Variants in LCOR observed in about 807,000 individuals in gnomAD.
The protein encoded by LCOR is ligand dependent nuclear receptor corepressor, also known as ligand-dependent corepressor.
In LCOR, 14 loss-of-function variants were observed where a neutral mutation model predicts 64.4. That is an observed-to-expected ratio of 0.22 (90% CI 0.14 to 0.34). The LOEUF is 0.34. Ranked by LOEUF, LCOR falls within the 10% of genes least tolerant of loss-of-function variation. The pLI is 1.00. For synonymous variants in LCOR, 643 were observed against 642.5 expected, an observed-to-expected ratio of 1.00 and a Z score of -0.01; for missense variants, 1,686 against 1,765.3, an observed-to-expected ratio of 0.96 and a Z score of 0.80.
At chr10:96,956,181 A>G (rs1847770228) in intron 7 of LCOR, 2 of 1,226,976 alleles carry the variant, frequency 1.6e-6, no homozygotes, top group Admixed American at 4.0e-5. Flanking sequence ...CTCACAGAGA[A>G]CAGATACATG....
intron 2 of LCOR, among the ~76,000 whole-genome samples, chr10:96,845,093 A>G (rs1382478784): frequency 6.6e-6 from 1 of 152,150 alleles, no homozygotes; most frequent in Non-Finnish European, 1.5e-5. Flanking sequence ...TGAGAAGGAG[A>G]AGAAGAAATT....
At chr10:96,885,400 G>A (rs1335665747) in intron 2 of LCOR, among the ~76,000 whole-genome samples, 4 of 151,740 alleles carry the variant, frequency 2.6e-5, no homozygotes, top group African/African-American at 9.7e-5. Flanking sequence ...TCGTTTTTTT[G>A]AGACAGGCTT....
rs1309602738 is a variant in LCOR, at chr10:96,984,979, C to T, written c.4519C>T (p.Pro1507Ser). Reference protein sequence around the residue: ...QKGAGESSSRPQKATNRKQSS... With the variant: ...QKGAGESSSRSQKATNRKQSS... ...GGGGGCCGGTGAATCCTCTTCAAGG[C>T]CTCAGAAAGCCACGAATAGGAAGCA... is the stretch of plus-strand genomic sequence containing the variant. The change falls in exon 8 of 8, where the codon CCT becomes TCT. Residue 1507 changes from proline to serine, a missense_variant. Pro to Ser is a moderately conservative substitution (Grantham distance 74). Coordinates refer to ENST00000421806, the MANE Select transcript of LCOR (RefSeq NM_001346516.2). 5 of 1,614,178 alleles carry T rather than the reference C, an allele frequency of 3.1e-6. No homozygotes were observed. The highest frequency in any genetic ancestry group is 4.2e-6 in the Non-Finnish European group (5 of 1,180,030).
chr10:96,911,655 A>G (rs1257551605), intron 4 of LCOR, among the ~76,000 whole-genome samples: 2 of 152,208 alleles, frequency 1.3e-5, no homozygotes, highest in Non-Finnish European at 2.9e-5. Flanking sequence ...AGTTGGAAAG[A>G]GGGAAAGTGT....
chr10:96,974,790 TAAA>T (rs992196863), intron 7 of LCOR, among the ~76,000 whole-genome samples: 1 of 152,142 alleles, frequency 6.6e-6, no homozygotes, highest in Non-Finnish European at 1.5e-5. Context: ...TTTTTTAACA[TAAA>T]AAAATAGTAA....
chr10:96,941,401 C>T, intron 4 of LCOR, among the ~76,000 whole-genome samples: 1 of 146,634 alleles, frequency 6.8e-6, no homozygotes, highest in Middle Eastern at 3.7e-3. Flanking sequence ...GGGCGGCTGG[C>T]CGGGCAGGGG....
At chr10:96,974,740 AGAC>A (rs1848024672) in intron 7 of LCOR, among the ~76,000 whole-genome samples, 1 of 152,262 alleles carries the variant, frequency 6.6e-6, no homozygotes, top group African/African-American at 2.4e-5. Flanking sequence ...GCAAAAGTAA[AGAC>A]AAGCTGTTTA....
intron 1 of LCOR, 47 bp downstream of exon 1, chr10:96,832,446 C>G: frequency 1.3e-6 from 1 of 782,058 alleles, no homozygotes; most frequent in Non-Finnish European, 1.6e-6. Flanking sequence ...CGCCCCGCCG[C>G]CGGTCGCCCC....
chr10:96,957,310 A>C, intron 7 of LCOR: 2 of 985,124 alleles, frequency 2.0e-6, no homozygotes, highest in Non-Finnish European at 2.4e-6. Flanking sequence ...GACCTTTGAG[A>C]TCATGTTTGT....
At chr10:96,877,423 C>T (rs1242256154) in intron 2 of LCOR, among the ~76,000 whole-genome samples, 3 of 151,802 alleles carry the variant, frequency 2.0e-5, no homozygotes, top group Non-Finnish European at 4.4e-5. Context: ...ACTTGGGAGG[C>T]TGAGGTGGGA....
At position 96,980,884 on chromosome 10, in the gene LCOR, C is replaced by T. The variant is rs1848078143; in HGVS notation, c.424C>T (p.Gln142Ter). Reference sequence around the variant, plus strand: ...TATGGTCAAACTGTGTACTCATCATCAAAAGCAATTCATTCGTGTTCTGAA... The same window carrying T: ...TATGGTCAAACTGTGTACTCATCATTAAAAGCAATTCATTCGTGTTCTGAA... ...KFMVKLCTHH[Q>*]KQFIRVLNDL... The change falls in exon 8 of 8, where the codon CAA becomes TAA. Residue 142 changes from glutamine to a stop codon, truncating the protein, a stop_gained. Transcript: ENST00000421806. LOFTEE classifies it low-confidence loss of function (END_TRUNC). 1 of 702,904 alleles carries T rather than the reference C, an allele frequency of 1.4e-6. No individual in the cohort carries two copies. Among genetic ancestry groups the T allele is most frequent in the African/African-American group, 1.7e-5 (1 of 57,254 alleles). 43.5% of individuals were successfully genotyped at this position (702,904 alleles called of 1,614,324 possible). A position where few individuals can be genotyped will look rare whatever the true frequency, so the allele number is the denominator to read the frequency against.
chr10:96,867,033 C>A lies in LCOR; in HGVS notation c.-330+33554C>A, dbSNP rs1313523952. Among the ~76,000 whole-genome samples, 5 of 152,098 alleles carry A rather than the reference C, an allele frequency of 3.3e-5. No homozygotes were observed. In the East Asian group the frequency reaches 7.7e-4, roughly 23 times the overall value. On this transcript the variant is annotated intron_variant, in intron 2 of 7. Coordinates refer to ENST00000421806, the MANE Select transcript of LCOR (RefSeq NM_001346516.2). The stretch of plus-strand genomic sequence containing the variant: ...GATGGAGTTTCACTCATTGCCCAGG[C>A]TGGGGTGCAGTGGCGCAATCTCGGC...
Position 96,870,184 on chromosome 10 carries a change from G to A in LCOR, c.-330+36705G>A, listed in dbSNP as rs181501347. On this transcript the variant is annotated intron_variant, in intron 2 of 7. Transcript: ENST00000421806. ...ACTACAGGCGCCCGCCACCACGCCC[G>A]GCTAATTTTTTGTTTTTTGTAGAGA... is the stretch of plus-strand genomic sequence containing the variant. Among the ~76,000 whole-genome samples the A allele has an allele frequency of 8.5e-4, 129 of 151,576 alleles. No individual in the cohort carries two copies. The Middle Eastern group carries it at 0.01, about 12-fold the overall frequency.
At chr10:96,970,853 A>C (rs985037778) in intron 7 of LCOR, among the ~76,000 whole-genome samples, 2 of 151,924 alleles carry the variant, frequency 1.3e-5, no homozygotes, top group African/African-American at 4.8e-5. Context: ...TCCTGAGCTC[A>C]GGCAATCCTC....
chr10:96,963,227 G>A (rs559086308), intron 7 of LCOR: 2 of 150,856 alleles, frequency 1.3e-5, no homozygotes, highest in East Asian at 3.9e-4. Flanking sequence ...TTTAAAAAAA[G>A]CGCATAAATG....
chr10:96,984,021 C>T lies in LCOR; in HGVS notation c.3561C>T (p.Phe1187=), dbSNP rs1253633688. The T allele has an allele frequency of 6.2e-7, 1 of 1,613,992 alleles. No homozygotes were observed. Among genetic ancestry groups the T allele is most frequent in the Non-Finnish European group, 8.5e-7 (1 of 1,180,016 alleles). The change falls in exon 8 of 8, where the codon TTC becomes TTT. Residue 1187 remains phenylalanine, a synonymous_variant. Coordinates refer to ENST00000421806, the MANE Select transcript of LCOR (RefSeq NM_001346516.2). The part of the protein sequence containing the change: ...NFKLSNVCKW[F]LETTETRSLV... ...AATTATCTAATGTTTGTAAATGGTT[C>T]TTAGAGACAACTGAAACCCGGTCTC...
chr10:96,862,470 T>A (rs1845903536), intron 2 of LCOR, among the ~76,000 whole-genome samples: 1 of 152,160 alleles, frequency 6.6e-6, no homozygotes, highest in South Asian at 2.1e-4. Context: ...TTCACCATAT[T>A]ACCCAGGCTG....
At position 96,983,170 on chromosome 10, in the gene LCOR, G is replaced by C. The variant is rs568325585; in HGVS notation, c.2710G>C (p.Gly904Arg). Residue 904 changes from glycine to arginine, a missense_variant, in exon 8 of 8, where the codon GGG (glycine) becomes CGG (arginine). By Grantham distance (125) the Gly-to-Arg change is moderately radical. This residue lies in a region of LCOR where 1,293 missense variants were observed against 1,410.4 expected (regional missense o/e 0.92). Coordinates refer to ENST00000421806, the MANE Select transcript of LCOR (RefSeq NM_001346516.2). The surrounding 1 kb of genome is among the most constrained non-coding windows in gnomAD (Gnocchi z 4.5). ...AGATGCTGAGCAGGAGGGCGAAGGCGGGGGGATCATCACCAGGCAGACTTT... is the reference window on the plus strand; with the variant it reads ...AGATGCTGAGCAGGAGGGCGAAGGCCGGGGGATCATCACCAGGCAGACTTT... ...EKDAEQEGEG[G>R]GIITRQTLKN... 10 of 1,614,070 alleles carry C rather than the reference G, an allele frequency of 6.2e-6. No homozygotes were observed. The highest frequency in any genetic ancestry group is 4.0e-5 in the African/African-American group (3 of 75,024).
chr10:96,968,370 A>G (rs1396958890), intron 7 of LCOR, among the ~76,000 whole-genome samples: 2 of 152,234 alleles, frequency 1.3e-5, no homozygotes, highest in Non-Finnish European at 2.9e-5. Flanking sequence ...GATTGTACAT[A>G]CTAATAATTT....
Sources: allele counts gnomAD v4.1 joint callset (sites outside exome capture counted in the v4.1 genomes callset), GRCh38; gene constraint gnomAD v4.1.1; regional missense constraint gnomAD v4.1.1; non-coding constraint Gnocchi (gnomAD v3.1); transcripts MANE v1.5; gene names NCBI Gene and HGNC (gene_info 2026-07-23, HGNC 2026-07-21).